The following PPHLN1 variants were observed in gnomAD, a reference collection of about 807,000 sequenced individuals.
The protein encoded by PPHLN1 is periphilin 1.
In PPHLN1, 29 loss-of-function variants were observed where a neutral mutation model predicts 51.3. The observed-to-expected ratio is 0.57, with a 90% CI of 0.42 to 0.77. The LOEUF (loss-of-function observed/expected upper bound fraction) is 0.77. Among genes scored for constraint, PPHLN1 ranks in the 30% least tolerant of loss-of-function variants. The pLI, the probability that PPHLN1 is intolerant of heterozygous loss-of-function variation, is 0.00. For synonymous variants in PPHLN1, 147 were observed against 147.8 expected (o/e 0.99, Z 0.04); for missense variants, 436 against 438.4 (o/e 0.99, Z 0.05).
At chr12:42,395,399 A>G (rs924869425) in intron 8 of PPHLN1, among the ~76,000 whole-genome samples, 1 of 152,044 alleles carries the variant, frequency 6.6e-6, no homozygotes, top group African/African-American at 2.4e-5. Flanking sequence ...ATATTTTTCT[A>G]CTTAGATTGA....
intron 8 of PPHLN1, among the ~76,000 whole-genome samples, chr12:42,395,963 T>TCAGG (rs2078162211): frequency 6.6e-6 from 1 of 152,224 alleles, no homozygotes. Flanking sequence ...ACTTAAATAT[T>TCAGG]CAGGCATGTT....
At chr12:42,430,675 G>A (rs953718729) in intron 9 of PPHLN1, among the ~76,000 whole-genome samples, 1 of 151,870 alleles carries the variant, frequency 6.6e-6, no homozygotes, top group African/African-American at 2.4e-5. Context: ...TGTATTTTTA[G>A]TCGAGACGGG....
Position 42,355,179 on chromosome 12 carries a change from T to C in PPHLN1, c.256T>C (p.Trp86Arg). Residue 86 changes from tryptophan (W) to arginine (R), a missense_variant, in exon 4 of 10, where the codon TGG becomes CGG. Transcript: ENST00000358314. ...PHRGDESGYRWTRDDHSASRQ... is the reference protein window; with the variant it reads ...PHRGDESGYRRTRDDHSASRQ... ...GTTACAGGATGAATCTGGTTATAGA[T>C]GGACAAGAGACGATCATTCTGCAAG... 1.2e-6 allele frequency: 2 copies of C among 1,613,670 alleles called. No individual in the cohort carries two copies. The highest frequency in any genetic ancestry group is 1.7e-6 in the Non-Finnish European group (2 of 1,179,798).
chr12:42,423,679 A>C (rs1449163050), intron 9 of PPHLN1, among the ~76,000 whole-genome samples: 2 of 147,800 alleles, frequency 1.4e-5, no homozygotes, highest in African/African-American at 5.0e-5. Flanking sequence ...TAACATGCAA[A>C]TTTTTTTTTT....
chr12:42,351,510 C>T lies in PPHLN1; in HGVS notation c.73-375C>T, dbSNP rs76310237. 1,394 of 155,226 alleles carry T rather than the reference C, an allele frequency of 9.0e-3. 16 individuals are homozygous for T. The highest frequency in any genetic ancestry group is 0.032 in the African/African-American group (1,336 of 41,588). The allele number at this position is 155,226 out of a possible 1,614,324, so 9.6% of individuals were successfully genotyped here. ...ATTTCTTCTAAATAGTATAGTAGAACAAATATGAGAGCTGTCTTACATAAT... is the reference window on the plus strand; with the variant it reads ...ATTTCTTCTAAATAGTATAGTAGAATAAATATGAGAGCTGTCTTACATAAT... On this transcript the variant is annotated intron_variant, in intron 2 of 9. Transcript: ENST00000358314.
At chr12:42,443,363 A>T (rs1299069963), downstream of PPHLN1, 1 of 152,272 alleles carries the variant, frequency 6.6e-6, no homozygotes, top group Non-Finnish European at 1.5e-5. Context: ...TTATGCTTAT[A>T]AAGAGATAAG....
At chr12:42,418,211 C>CTTTTTTTTTTTTT (rs60029170) in intron 9 of PPHLN1, among the ~76,000 whole-genome samples, 1 of 98,378 alleles carries the variant, frequency 1.0e-5, no homozygotes, top group African/African-American at 4.2e-5. Flanking sequence ...TCCCGGCCCT[C>CTTTTTTTTTTTTT]TTTTTTTTTT....
intron 5 of PPHLN1, among the ~76,000 whole-genome samples, chr12:42,384,711 C>G (rs1440461257): frequency 6.6e-6 from 1 of 152,190 alleles, no homozygotes; most frequent in African/African-American, 2.4e-5. Context: ...CCTGACAGTT[C>G]CCCTTGGCTT....
At chr12:42,390,978 C>CT (rs1236403752) in intron 7 of PPHLN1, among the ~76,000 whole-genome samples, 1 of 151,962 alleles carries the variant, frequency 6.6e-6, no homozygotes, top group Admixed American at 6.6e-5. Context: ...ACTATAAAAT[C>CT]TTAAAATGGA....
chr12:42,345,681 CATT>C (rs1185459543), intron 2 of PPHLN1, among the ~76,000 whole-genome samples: 2 of 150,956 alleles, frequency 1.3e-5, no homozygotes, highest in Non-Finnish European at 3.0e-5. Flanking sequence ...AAATTGATAT[CATT>C]GATTGAGTAA....
chr12:42,335,687 G>GTT (rs10648343), intron 1 of PPHLN1, among the ~76,000 whole-genome samples, 196 bp from the exon 2 acceptor site: 35,398 of 113,372 alleles, frequency 0.31, 5,769 homozygotes, highest in Middle Eastern at 0.47. Flanking sequence ...GGCTTTCCGT[G>GTT]TTTTTTTTTT....
chr12:42,387,374 C>G, intron 6 of PPHLN1, 82 bp from the exon 7 acceptor site: 1 of 1,427,826 alleles, frequency 7.0e-7, no homozygotes, highest in Admixed American at 2.2e-5. Context: ...TGTATGACCC[C>G]CACATTAATT....
At chr12:42,431,101 C>G (rs573450193) in intron 9 of PPHLN1, among the ~76,000 whole-genome samples, 1 of 152,128 alleles carries the variant, frequency 6.6e-6, no homozygotes, top group Admixed American at 6.5e-5. Flanking sequence ...CAGTCACTGC[C>G]AAATATCACC....
chr12:42,414,132 G>GATCAA (rs2080148877), intron 9 of PPHLN1, among the ~76,000 whole-genome samples: 1 of 151,860 alleles, frequency 6.6e-6, no homozygotes, highest in Admixed American at 6.6e-5. Flanking sequence ...CGCCTCCCTG[G>GATCAA]GTCAAGCGAT....
intron 9 of PPHLN1, among the ~76,000 whole-genome samples, chr12:42,407,122 G>A (rs2079384851): frequency 6.6e-6 from 1 of 152,170 alleles, no homozygotes; most frequent in South Asian, 2.1e-4. Context: ...ATATGTAGAG[G>A]TAGTCTTCCT....
chr12:42,426,244 T>C (rs1232914081), intron 9 of PPHLN1, among the ~76,000 whole-genome samples: 2 of 141,350 alleles, frequency 1.4e-5, no homozygotes, highest in Non-Finnish European at 3.0e-5. Flanking sequence ...ATGCATTGTC[T>C]CATGGCAGTT....
chr12:42,417,629 A>G (rs2080512387), intron 9 of PPHLN1, among the ~76,000 whole-genome samples: 1 of 152,180 alleles, frequency 6.6e-6, no homozygotes, highest in African/African-American at 2.4e-5. Context: ...TTATTTATCC[A>G]TAATTGACCA....
At chr12:42,400,465 C>T (rs1460545095) in intron 9 of PPHLN1, 22 of 59,592 alleles carry the variant, frequency 3.7e-4, no homozygotes, top group African/African-American at 1.1e-3. Flanking sequence ...GAGACTCCGT[C>T]TCAAAAAAAA....
intron 9 of PPHLN1, among the ~76,000 whole-genome samples, chr12:42,409,614 G>A (rs1375071105): frequency 3.3e-5 from 5 of 151,904 alleles, no homozygotes; most frequent in Non-Finnish European, 5.9e-5. Flanking sequence ...ATCATTTATG[G>A]TATGTAAATT....
Sources: allele counts gnomAD v4.1 joint callset (sites outside exome capture counted in the v4.1 genomes callset), GRCh38; gene constraint gnomAD v4.1.1; transcripts MANE v1.5; gene names NCBI Gene and HGNC (gene_info 2026-07-23, HGNC 2026-07-21).